The following BANK1 variants were observed in gnomAD, a reference collection of about 807,000 sequenced individuals.
The protein encoded by BANK1 is B-cell scaffold protein with ankyrin repeats.
Under a neutral mutation model 94.5 loss-of-function variants are expected in BANK1, and 95 were observed. The observed-to-expected ratio is 1.00, with a 90% confidence interval of 0.85 to 1.19. BANK1 has a LOEUF of 1.19. Ranked by LOEUF, BANK1 falls within the 50% of genes most tolerant of loss-of-function variation. The pLI, the probability that BANK1 is intolerant of heterozygous loss-of-function variation, is 0.00. For synonymous variants in BANK1, 334 were observed against 308.4 expected, an observed-to-expected ratio of 1.08 and a Z score of -0.87; for missense variants, 987 against 932.2, an observed-to-expected ratio of 1.06 and a Z score of -0.77.
chr4:101,876,641 T>C (rs543552919), intron 5 of BANK1, among the ~76,000 whole-genome samples: 62 of 152,144 alleles, frequency 4.1e-4, no homozygotes, highest in Non-Finnish European at 7.9e-4. Flanking sequence ...TGCCCAGACA[T>C]AGGCAAACAT....
intron 8 of BANK1, 81 bp from the exon 9 acceptor site, chr4:102,025,120 A>G (rs1578463208): frequency 1.4e-6 from 2 of 1,456,400 alleles, no homozygotes; most frequent in East Asian, 2.3e-5. Context: ...CAGTACTACT[A>G]TTTCTGTACA....
chr4:101,860,927 T>A (rs1173334476), intron 3 of BANK1, among the ~76,000 whole-genome samples: 2 of 152,094 alleles, frequency 1.3e-5, no homozygotes, highest in African/African-American at 4.8e-5. Flanking sequence ...CCAAGTGAAA[T>A]GGAAAGACAT....
intron 1 of BANK1, among the ~76,000 whole-genome samples, chr4:101,797,721 G>A (rs1022856636): frequency 6.6e-6 from 1 of 152,154 alleles, no homozygotes; most frequent in Admixed American, 6.5e-5. Flanking sequence ...AGAGGACACC[G>A]GGAGGGCATG....
chr4:102,035,907 A>G (rs1211196334), intron 10 of BANK1, among the ~76,000 whole-genome samples: 1 of 152,264 alleles, frequency 6.6e-6, no homozygotes, highest in East Asian at 1.9e-4. Context: ...ACATGGATGT[A>G]TGGTCTTTAG....
At chr4:102,073,129 T>TAAG (rs1304414854) in intron 15 of BANK1, among the ~76,000 whole-genome samples, 11 of 151,918 alleles carry the variant, frequency 7.2e-5, no homozygotes, top group Admixed American at 3.9e-4. Context: ...ATATTTCAAA[T>TAAG]AAGTCATAAG....
chr4:101,821,540 A>T (rs1455580366), intron 1 of BANK1, among the ~76,000 whole-genome samples: 5 of 152,088 alleles, frequency 3.3e-5, no homozygotes, highest in Admixed American at 6.6e-5. Context: ...TATGTCTAGG[A>T]TGGTATTGCC....
chr4:101,982,273 A>G (rs975831030), intron 7 of BANK1, among the ~76,000 whole-genome samples: 3 of 151,474 alleles, frequency 2.0e-5, no homozygotes, highest in Non-Finnish European at 4.4e-5. Context: ...TAATAAAAAC[A>G]TATTTTAATA....
At chr4:101,793,765 G>T (rs2148847421) in intron 1 of BANK1, among the ~76,000 whole-genome samples, 1 of 152,266 alleles carries the variant, frequency 6.6e-6, no homozygotes, top group Non-Finnish European at 1.5e-5. Context: ...TTGTTTAGGG[G>T]ATTAAATGGG....
intron 14 of BANK1, among the ~76,000 whole-genome samples, chr4:102,071,530 A>C (rs1034057976): frequency 6.6e-6 from 1 of 152,226 alleles, no homozygotes; most frequent in Non-Finnish European, 1.5e-5. Flanking sequence ...GTGAGTTTGG[A>C]ATTCTTGATT....
chr4:101,825,395 A>G (rs760057545), intron 1 of BANK1, among the ~76,000 whole-genome samples: 1 of 152,140 alleles, frequency 6.6e-6, no homozygotes, highest in Non-Finnish European at 1.5e-5. Context: ...GTGGTCCTAG[A>G]TATTATTCAG....
intron 7 of BANK1, among the ~76,000 whole-genome samples, chr4:101,988,471 ACTCTT>A (rs1725588554): frequency 6.6e-6 from 1 of 151,958 alleles, no homozygotes; most frequent in South Asian, 2.1e-4. Flanking sequence ...TGTTTTGTTC[ACTCTT>A]CTCTTTTATT....
chr4:102,013,887 T>C (rs1191086515), intron 7 of BANK1, among the ~76,000 whole-genome samples: 1 of 152,054 alleles, frequency 6.6e-6, no homozygotes, highest in Non-Finnish European at 1.5e-5. Flanking sequence ...AGGCAGATAA[T>C]AGAGATAATT....
intron 7 of BANK1, among the ~76,000 whole-genome samples, chr4:101,935,298 C>T (rs1723491905): frequency 6.6e-6 from 1 of 151,510 alleles, no homozygotes. Flanking sequence ...AGTAGTCAAT[C>T]AGGAAAACAG....
intron 5 of BANK1, among the ~76,000 whole-genome samples, chr4:101,884,624 C>G (rs950303435): frequency 6.6e-6 from 1 of 152,146 alleles, no homozygotes; most frequent in Non-Finnish European, 1.5e-5. Context: ...TCAGGAAATG[C>G]ATCTTCATCA....
rs2148969521 is a variant in BANK1 at position 102,074,792 on chromosome 4, C to T, written c.*793C>T. On this transcript the variant is annotated 3_prime_UTR_variant, in exon 17 of 17. Transcript: ENST00000322953. The stretch of plus-strand genomic sequence containing the variant: ...AGAATTAGCCAATAAAATTGCTTCT[C>T]GGCCTTTTGGCTAAGATCAAGTGGA... 6.6e-6 allele frequency: 1 copy of T among 152,078 alleles called. No individual in the cohort carries two copies. The highest frequency in any genetic ancestry group is 1.5e-5 in the Non-Finnish European group (1 of 67,914). 9.4% of individuals were successfully genotyped at this position (152,078 alleles called of 1,614,324 possible).
At chr4:101,827,606 G>A (rs983427796) in intron 1 of BANK1, among the ~76,000 whole-genome samples, 5 of 151,794 alleles carry the variant, frequency 3.3e-5, no homozygotes, top group East Asian at 1.9e-4. Flanking sequence ...CTATATGTAC[G>A]TGTATTCAAC....
At chr4:101,792,255 T>TCCCCCCCCCCCCCCCCCCCCCCC (rs771698917) in intron 1 of BANK1, among the ~76,000 whole-genome samples, 4 of 128,756 alleles carry the variant, frequency 3.1e-5, no homozygotes, top group Non-Finnish European at 6.7e-5. Flanking sequence ...TGCATTCCGC[T>TCCCCCCCCCCCCCCCCCCCCCCC]CCCCCCCCGC....
chr4:101,797,880 A>G (rs1436125814), intron 1 of BANK1, among the ~76,000 whole-genome samples: 1 of 152,226 alleles, frequency 6.6e-6, no homozygotes, highest in Non-Finnish European at 1.5e-5. Context: ...AAAACATTGT[A>G]TTTAAAACTA....
In BANK1 at chr4:102,000,444, C is replaced by A. The variant is rs535264101; in HGVS notation, c.1207-21070C>A. On this transcript the variant is annotated intron_variant, in intron 7 of 16. Transcript: ENST00000322953. ...CTAGGCAAGCCAAGACATATGACTACCCTACCTATAAACCATGTAAATCTT... is the reference window on the plus strand; with the variant it reads ...CTAGGCAAGCCAAGACATATGACTAACCTACCTATAAACCATGTAAATCTT... Among the ~76,000 whole-genome samples the A allele has an allele frequency of 4.6e-5, 7 of 151,836 alleles. No homozygotes were observed. In the East Asian group the frequency reaches 1.4e-3, roughly 29 times the overall value.
Sources: gnomAD v4.1 joint callset for allele counts (sites outside exome capture counted in the v4.1 genomes callset) on GRCh38, gnomAD v4.1.1 for gene constraint, MANE v1.5 for transcripts, NCBI Gene and HGNC (gene_info 2026-07-23, HGNC 2026-07-21) for gene names.